Variants in DMD observed in about 807,000 individuals in gnomAD.
The protein encoded by DMD is mutant dystrophin.
Under a neutral mutation model 330.1 loss-of-function variants are expected in DMD, and 63 were observed. That is an observed-to-expected ratio of 0.19 (90% CI 0.16 to 0.24). DMD has a LOEUF of 0.24. Among genes scored for constraint, DMD ranks in the 10% least tolerant of loss-of-function variants. The pLI is 1.00. For synonymous variants in DMD, 1,223 were observed against 959.8 expected (o/e 1.27, Z -5.07); for missense variants, 3,344 against 2,684.1 (o/e 1.25, Z -5.43).
At chrX:32,398,206 A>G in intron 30 of DMD, among the ~76,000 whole-genome samples, 1 of 110,525 alleles carries the variant, frequency 9.0e-6, no homozygotes, top group South Asian at 3.8e-4. Flanking sequence ...ACTTTATAAT[A>G]ATTCAACAAG....
chrX:32,550,756 AG>A (rs1298599423), intron 16 of DMD, among the ~76,000 whole-genome samples: 1 of 110,987 alleles, frequency 9.0e-6, no homozygotes, highest in East Asian at 2.8e-4. Context: ...AAAGAAAAAA[AG>A]AGAGAAGACT....
At chrX:31,380,266 G>A (rs777496083) in intron 60 of DMD, among the ~76,000 whole-genome samples, 21 of 110,509 alleles carry the variant, frequency 1.9e-4, no homozygotes, top group East Asian at 2.8e-4. Flanking sequence ...CTATTAGGCC[G>A]AGACACTTTA....
At chrX:32,757,572 A>G (rs920519363) in intron 7 of DMD, among the ~76,000 whole-genome samples, 26 of 110,607 alleles carry the variant, frequency 2.4e-4, no homozygotes, top group African/African-American at 7.9e-4. Context: ...TGTTCTCGTG[A>G]TAGTGAATAC....
At chrX:32,351,331 G>A (rs1202926842) in intron 37 of DMD, among the ~76,000 whole-genome samples, 1 of 110,464 alleles carries the variant, frequency 9.1e-6, no homozygotes, top group Non-Finnish European at 1.9e-5. Flanking sequence ...TTTACCAAGG[G>A]ATTTGATGAA....
intron 44 of DMD, among the ~76,000 whole-genome samples, chrX:32,197,273 C>T (rs1019510587): frequency 2.7e-5 from 3 of 110,844 alleles, no homozygotes; most frequent in Non-Finnish European, 3.8e-5. Context: ...TCATGGAGAA[C>T]GGGGTATCCA....
chrX:31,178,554 A>G (rs139924647), intron 70 of DMD, 115 bp downstream of exon 70: 1 of 1,055,735 alleles, frequency 9.5e-7, no homozygotes, highest in African/African-American at 1.9e-5. Context: ...TAATGTAAAT[A>G]AAAAGAAAGA....
At chrX:33,274,827 T>G (rs1009118081) in intron 1 of DMD, among the ~76,000 whole-genome samples, 1 of 111,283 alleles carries the variant, frequency 9.0e-6, no homozygotes, top group Non-Finnish European at 1.9e-5. Flanking sequence ...CCAGGAAGAT[T>G]TGAGGGCCTC....
rs375642906 is a variant in DMD at position 32,488,269 on chromosome X, C to T, written c.2622+3008G>A. 3.0e-4 allele frequency among the ~76,000 whole-genome samples: 33 copies of T among 111,523 alleles called. No individual in the cohort carries two copies. The East Asian group carries it at 5.7e-3, about 19-fold the overall frequency. On this transcript the variant is annotated intron_variant, in intron 20 of 78. Transcript: ENST00000357033. ...GTTGGTCCTCCAGAGTATGGTATCTCCTTTGAGTCTGTTTATTCTTTAAAA... is the reference window on the plus strand; with the variant it reads ...GTTGGTCCTCCAGAGTATGGTATCTTCTTTGAGTCTGTTTATTCTTTAAAA...
intron 2 of DMD, among the ~76,000 whole-genome samples, chrX:32,917,163 C>A (rs747028188): frequency 7.9e-5 from 8 of 101,748 alleles, no homozygotes; most frequent in South Asian, 5.2e-4. Flanking sequence ...GGCACTTCCC[C>A]CCCCCCCACA....
intron 43 of DMD, among the ~76,000 whole-genome samples, chrX:32,287,235 G>T (rs909305623): frequency 2.0e-4 from 22 of 111,161 alleles, no homozygotes; most frequent in African/African-American, 7.2e-4. Flanking sequence ...ATGTTATATC[G>T]AACAACTGTT....
chrX:33,283,602 G>A (rs5972808), intron 1 of DMD, among the ~76,000 whole-genome samples: 20,594 of 109,528 alleles, frequency 0.19, 3,137 homozygotes, highest in African/African-American at 0.5. Context: ...CGTTTTCATT[G>A]TATATTTAGT....
At chrX:32,129,729 GA>G (rs1293101002) in intron 44 of DMD, among the ~76,000 whole-genome samples, 5 of 9,393 alleles carry the variant, frequency 5.3e-4, no homozygotes, top group African/African-American at 1.2e-3. Flanking sequence ...GAGAGGGAGG[GA>G]GAGAGAGAGA....
intron 50 of DMD, among the ~76,000 whole-genome samples, chrX:31,787,909 AC>A (rs1302538912): frequency 3.6e-5 from 4 of 112,264 alleles, no homozygotes; most frequent in Admixed American, 1.9e-4. Flanking sequence ...GGTAACACTT[AC>A]GTAGGAAAAA....
intron 9 of DMD, among the ~76,000 whole-genome samples, chrX:32,648,081 A>G (rs1333600176): frequency 8.9e-6 from 1 of 112,033 alleles, no homozygotes; most frequent in Non-Finnish European, 1.9e-5. Context: ...AAAATATTAA[A>G]CACTTTATGA....
At chrX:32,127,701 G>A (rs1036662346) in intron 44 of DMD, among the ~76,000 whole-genome samples, 6 of 111,652 alleles carry the variant, frequency 5.4e-5, no homozygotes, top group South Asian at 3.7e-4. Flanking sequence ...AAAGCATTCC[G>A]ATAAATAAAT....
chrX:31,920,854 T>C (rs1462586068), intron 47 of DMD, among the ~76,000 whole-genome samples: 2 of 112,634 alleles, frequency 1.8e-5, no homozygotes, highest in Non-Finnish European at 3.7e-5. Context: ...ATGCTTGATA[T>C]ACATTTTCAG....
chrX:31,358,825 G>A (rs1303691530), intron 60 of DMD, among the ~76,000 whole-genome samples: 2 of 112,290 alleles, frequency 1.8e-5, no homozygotes, highest in Non-Finnish European at 3.8e-5. Flanking sequence ...ACGAAGTGTA[G>A]GTAAAGTTAA....
In DMD at chrX:32,614,407, A is replaced by C; in HGVS notation, c.1378T>G (p.Leu460Val). 8.3e-7 allele frequency: 1 copy of C among 1,207,507 alleles called. No individual in the cohort carries two copies. The highest frequency in any genetic ancestry group is 1.8e-5 in the South Asian group (1 of 56,869). ...TCTGTTTTTGTTAGCCAGTCATTCA[A>C]CTCTTTCAGTTTCTGATTCTGGAGA... ...MDLQNQKLKE[L>V]NDWLTKTEER... The change falls in exon 12 of 79, where the codon TTG (leucine) becomes GTG (valine). Residue 460 changes from leucine to valine, a missense_variant. Transcript: ENST00000357033.
intron 53 of DMD, among the ~76,000 whole-genome samples, chrX:31,675,259 T>A (rs181277416): frequency 8.9e-6 from 1 of 112,462 alleles, no homozygotes; most frequent in African/African-American, 3.2e-5. Flanking sequence ...CCTGTTGCTG[T>A]TTCTTTCCAC....
Sources: allele counts gnomAD v4.1 joint callset (sites outside exome capture counted in the v4.1 genomes callset), GRCh38; gene constraint gnomAD v4.1.1; transcripts MANE v1.5; gene names NCBI Gene and HGNC (gene_info 2026-07-23, HGNC 2026-07-21).